The following CNTNAP5 variants were observed in gnomAD, a reference collection of about 807,000 sequenced individuals.
The protein encoded by CNTNAP5 is contactin associated protein family member 5.
CNTNAP5 carries 72 observed loss-of-function variants against 150.2 expected under a neutral mutation model. The ratio of observed to expected loss-of-function variants is 0.48; its 90% CI spans 0.40 to 0.58. The LOEUF is 0.58. Among genes scored for constraint, CNTNAP5 ranks in the 20% least tolerant of loss-of-function variants. The probability of loss-of-function intolerance (pLI) is 0.00; values close to 1 mark genes in which losing one functional copy is unlikely to be tolerated. For synonymous variants in CNTNAP5, 672 were observed against 619.8 expected (o/e 1.08, Z -1.25); for missense variants, 1,636 against 1,626.2 (o/e 1.01, Z -0.10).
intron 11 of CNTNAP5, among the ~76,000 whole-genome samples, chr2:124,604,722 C>T (rs1697063033): frequency 6.6e-6 from 1 of 152,108 alleles, no homozygotes; most frequent in Admixed American, 6.5e-5. Flanking sequence ...TTACAGTGTC[C>T]ATAAATGGCA....
chr2:124,055,854 G>A (rs987249809), intron 1 of CNTNAP5, among the ~76,000 whole-genome samples: 25 of 152,174 alleles, frequency 1.6e-4, no homozygotes, highest in Admixed American at 4.6e-4. Flanking sequence ...CAGGACCTTC[G>A]TCATCTTCCC....
At chr2:124,723,800 G>A (rs577283303) in intron 13 of CNTNAP5, among the ~76,000 whole-genome samples, 12 of 152,168 alleles carry the variant, frequency 7.9e-5, no homozygotes, top group African/African-American at 2.9e-4. Flanking sequence ...GAGCCAAATT[G>A]GATTTGAACC....
chr2:124,245,698 CACACAAATATATATTTATAT>C (rs1199586960), intron 3 of CNTNAP5, among the ~76,000 whole-genome samples: 1 of 110,662 alleles, frequency 9.0e-6, no homozygotes. Flanking sequence ...TATATATATA[CACACAAATATATATTTATAT>C]ACACAAATAT....
intron 14 of CNTNAP5, among the ~76,000 whole-genome samples, chr2:124,754,492 C>T (rs745602251): frequency 3.3e-5 from 5 of 151,968 alleles, no homozygotes; most frequent in East Asian, 1.9e-4. Context: ...GCTTGGCATG[C>T]GGTGGGTCCT....
intron 21 of CNTNAP5, among the ~76,000 whole-genome samples, chr2:124,900,712 G>T (rs1369234072): frequency 2.6e-5 from 4 of 151,594 alleles, no homozygotes; most frequent in African/African-American, 9.8e-5. Context: ...ATGAGAGCTG[G>T]CAATGTTGAC....
At chr2:124,278,327 G>A (rs1404699431) in intron 3 of CNTNAP5, among the ~76,000 whole-genome samples, 1 of 152,072 alleles carries the variant, frequency 6.6e-6, no homozygotes, top group Non-Finnish European at 1.5e-5. Context: ...GGAAAGAAGT[G>A]ATAATTCGAT....
intron 11 of CNTNAP5, among the ~76,000 whole-genome samples, chr2:124,585,256 GA>G: frequency 6.6e-6 from 1 of 152,282 alleles, no homozygotes; most frequent in East Asian, 1.9e-4. Context: ...AGAGAGAGAA[GA>G]AAATGAGAAT....
intron 11 of CNTNAP5, among the ~76,000 whole-genome samples, chr2:124,577,893 A>T (rs1235675792): frequency 2.0e-5 from 3 of 152,064 alleles, no homozygotes; most frequent in Non-Finnish European, 4.4e-5. Context: ...TAGTTCGGGG[A>T]TTCTTATTAA....
chr2:124,632,311 C>A (rs1168532622), intron 12 of CNTNAP5, among the ~76,000 whole-genome samples: 1 of 152,104 alleles, frequency 6.6e-6, no homozygotes, highest in African/African-American at 2.4e-5. Context: ...CCCAAATGCC[C>A]ATCAATAATA....
At chr2:124,558,316 GACCTTCAAGTTTAAGA>G (rs1553479450) in intron 10 of CNTNAP5, among the ~76,000 whole-genome samples, 1 of 151,944 alleles carries the variant, frequency 6.6e-6, no homozygotes, top group Non-Finnish European at 1.5e-5. Context: ...AGAAGGAGAG[GACCTTCAAGTTTAAGA>G]ACCTGGGTAC....
In CNTNAP5 at chr2:124,790,067, A is replaced by C; in HGVS notation, c.2918A>C (p.Lys973Thr). Reference protein sequence around the residue: ...SYGSICHNGGKCVEKHNGYLC... With the variant: ...SYGSICHNGGTCVEKHNGYLC... ...GGCAGCATCTGCCACAACGGGGGCA[A>C]GTGTGTGGAGAAGCACAATGGCTAC... The change falls in exon 18 of 24, where the codon AAG becomes ACG. Residue 973 changes from lysine to threonine, a missense_variant. By Grantham distance (78) the Lys-to-Thr change is moderately conservative (BLOSUM62 -1). Transcript: ENST00000682447. 1 of 1,613,908 alleles carries C rather than the reference A, an allele frequency of 6.2e-7. No individual in the cohort carries two copies. Among genetic ancestry groups the C allele is most frequent in the East Asian group, 2.2e-5 (1 of 44,838 alleles).
chr2:124,907,403 A>C (rs1212348829), intron 22 of CNTNAP5, among the ~76,000 whole-genome samples: 1 of 151,540 alleles, frequency 6.6e-6, no homozygotes, highest in East Asian at 1.9e-4. Flanking sequence ...ATACATAGAT[A>C]TTTCATAGAG....
At position 124,919,282 on chromosome 2, in the gene CNTNAP5, A is replaced by C. The variant is rs1678828007; in HGVS notation, c.*4994A>C. Among the ~76,000 whole-genome samples, 1 of 152,102 alleles carries C rather than the reference A, an allele frequency of 6.6e-6. No individual in the cohort carries two copies. Among genetic ancestry groups the C allele is most frequent in the Non-Finnish European group, 1.5e-5 (1 of 67,998 alleles). ...TCCTTCATATAAGGTTTTAATAATTAACCGGTTTGCTATTTTTCAGTGATT... is the reference window on the plus strand; with the variant it reads ...TCCTTCATATAAGGTTTTAATAATTCACCGGTTTGCTATTTTTCAGTGATT... On this transcript the variant is annotated 3_prime_UTR_variant, in exon 24 of 24. Coordinates refer to ENST00000682447, the MANE Select transcript of CNTNAP5 (RefSeq NM_001367498.1).
chr2:124,164,871 G>T (rs1684774599), intron 1 of CNTNAP5, among the ~76,000 whole-genome samples: 1 of 146,958 alleles, frequency 6.8e-6, no homozygotes, highest in South Asian at 2.1e-4. Context: ...GAAAAATCAG[G>T]TTTTGTCTTA....
At chr2:124,826,569 A>C (rs983258054) in intron 19 of CNTNAP5, among the ~76,000 whole-genome samples, 2 of 152,090 alleles carry the variant, frequency 1.3e-5, no homozygotes, top group Non-Finnish European at 2.9e-5. Context: ...AGGGTTTGCA[A>C]AGTGTGGTCT....
chr2:124,881,211 C>T (rs1454101615), intron 21 of CNTNAP5, among the ~76,000 whole-genome samples: 1 of 152,018 alleles, frequency 6.6e-6, no homozygotes, highest in African/African-American at 2.4e-5. Flanking sequence ...TAGTAACAAG[C>T]AAGATAGAGG....
intron 21 of CNTNAP5, among the ~76,000 whole-genome samples, chr2:124,900,614 C>T (rs1678396664): frequency 6.6e-6 from 1 of 151,538 alleles, no homozygotes; most frequent in South Asian, 2.1e-4. Context: ...CCTATTCTTA[C>T]ATCTGGAGTA....
At chr2:124,475,000 A>G in intron 7 of CNTNAP5, 118 bp downstream of exon 7, 2 of 777,984 alleles carry the variant, frequency 2.6e-6, no homozygotes, top group Non-Finnish European at 2.0e-6. Context: ...CTGAGTTCCC[A>G]TCAGCGTCTG....
rs140734217 is a variant in CNTNAP5 at position 124,338,409 on chromosome 2, T to C, written c.382-79034T>C. Among the ~76,000 whole-genome samples the C allele has an allele frequency of 1.0e-3, 155 of 152,284 alleles. 1 individual carries two copies. The East Asian group carries it at 0.019, about 18-fold the overall frequency. Reference sequence around the variant, plus strand: ...CCAGAACTTCCAACACTATGTTGAATAGGAGTGGTGAGAGAGGGCATCCCT... The same window carrying C: ...CCAGAACTTCCAACACTATGTTGAACAGGAGTGGTGAGAGAGGGCATCCCT... On this transcript the variant is annotated intron_variant, in intron 3 of 23. Coordinates refer to ENST00000682447, the MANE Select transcript of CNTNAP5 (RefSeq NM_001367498.1).
Sources: gnomAD v4.1 joint callset for allele counts (sites outside exome capture counted in the v4.1 genomes callset) on GRCh38, gnomAD v4.1.1 for gene constraint, MANE v1.5 for transcripts, NCBI Gene and HGNC (gene_info 2026-07-23, HGNC 2026-07-21) for gene names.